The following STMN3 variants were observed in gnomAD, a reference collection of about 807,000 sequenced individuals.
STMN3 encodes stathmin 3.
STMN3 carries 24 observed loss-of-function variants against 23.2 expected under a neutral mutation model. That is an observed-to-expected ratio of 1.03 (90% CI 0.75 to 1.45). The LOEUF (loss-of-function observed/expected upper bound fraction) is 1.45. Among genes scored for constraint, STMN3 ranks in the 40% most tolerant of loss-of-function variants. The pLI is 0.00. For synonymous variants in STMN3, 117 were observed against 103.4 expected (o/e 1.13, Z -0.80); for missense variants, 235 against 237.6 (o/e 0.99, Z 0.07).
chr20:63,648,957 C>A (rs1027434315), intron 1 of STMN3, among the ~76,000 whole-genome samples: 2 of 152,046 alleles, frequency 1.3e-5, no homozygotes, highest in Non-Finnish European at 2.9e-5. Flanking sequence ...GCACCTGCAT[C>A]ATCAGGAAAG....
At chr20:63,642,969 A>G (rs960461831) in intron 3 of STMN3, among the ~76,000 whole-genome samples, 1 of 152,098 alleles carries the variant, frequency 6.6e-6, no homozygotes, top group African/African-American at 2.4e-5. Flanking sequence ...GGACATTTTT[A>G]TCTCTGTTTC....
chr20:63,649,355 G>A (rs6062476), intron 1 of STMN3, among the ~76,000 whole-genome samples: 2 of 152,146 alleles, frequency 1.3e-5, no homozygotes, highest in African/African-American at 4.8e-5. Context: ...TCAGGGGCGA[G>A]GCAGGGCATT....
intron 3 of STMN3, chr20:63,643,550 G>A: frequency 1.2e-6 from 1 of 822,422 alleles, no homozygotes. Context: ...CAAAGTTCTG[G>A]GATTACAGGC....
In STMN3 at chr20:63,642,098, G is replaced by A. The variant is rs1376362812; in HGVS notation, c.483+10C>T. On this transcript the variant is annotated intron_variant, in intron 4 of 4. Coordinates refer to ENST00000370053, the MANE Select transcript of STMN3 (RefSeq NM_015894.4). ...CCGCTCCGAGCTCCGCCCCGGCCCCGCCCCCGCACCTTCTCGCGCAGCCGC... is the reference window on the plus strand; with the variant it reads ...CCGCTCCGAGCTCCGCCCCGGCCCCACCCCCGCACCTTCTCGCGCAGCCGC... 8 of 1,097,742 alleles carry A rather than the reference G, an allele frequency of 7.3e-6. No homozygotes were observed. Among genetic ancestry groups the A allele is most frequent in the Middle Eastern group, 3.4e-4 (1 of 2,920 alleles). 68.0% of individuals were successfully genotyped at this position (1,097,742 alleles called of 1,614,324 possible).
intron 1 of STMN3, among the ~76,000 whole-genome samples, chr20:63,645,175 A>C (rs2089800451): frequency 6.7e-6 from 1 of 149,298 alleles, no homozygotes; most frequent in Non-Finnish European, 1.5e-5. Flanking sequence ...CCTCCTTCCC[A>C]CTCCTCGCCA....
chr20:63,642,946 G>A (rs541488319), intron 3 of STMN3, among the ~76,000 whole-genome samples: 4 of 152,302 alleles, frequency 2.6e-5, no homozygotes, highest in African/African-American at 9.6e-5. Context: ...CCTCCAGGGT[G>A]GCACCCCCAA....
At chr20:63,647,687 G>GTATATATACACA (rs1569069795) in intron 1 of STMN3, among the ~76,000 whole-genome samples, 1 of 73,664 alleles carries the variant, frequency 1.4e-5, no homozygotes, top group Non-Finnish European at 3.7e-5. Flanking sequence ...ATATATACAC[G>GTATATATACACA]TGTATATATA....
rs1569071899 is a variant in STMN3, at chr20:63,652,041, CAGG to C, written c.19+1283_19+1285del. On this transcript the variant is annotated intron_variant, in intron 1 of 4. Coordinates refer to ENST00000370053, the MANE Select transcript of STMN3 (RefSeq NM_015894.4). This position sits in a 1 kb window ranked among gnomAD's most constrained non-coding sequence, Gnocchi z 5.3. Reference sequence around the variant, plus strand: ...CACCCCCAGTATCCCCGGGGGTGTCCAGGAGGAGGCGGAGGGAGGAAGCGCAGA... The same window carrying C: ...CACCCCCAGTATCCCCGGGGGTGTCCAGGAGGCGGAGGGAGGAAGCGCAGA... 3 of 152,628 alleles carry C rather than the reference CAGG, an allele frequency of 2.0e-5. No homozygotes were observed. The highest frequency in any genetic ancestry group is 7.2e-5 in the African/African-American group (3 of 41,588). The allele number at this position is 152,628 out of a possible 1,614,324, so 9.5% of individuals were successfully genotyped here.
intron 1 of STMN3, among the ~76,000 whole-genome samples, chr20:63,646,857 G>A (rs6010988): frequency 0.08 from 11,736 of 146,694 alleles, 547 homozygotes; most frequent in Non-Finnish European, 0.091. Flanking sequence ...GGGTTCTAGC[G>A]ATTCTCCTGC....
At chr20:63,645,686 C>T (rs2089803651) in intron 1 of STMN3, among the ~76,000 whole-genome samples, 1 of 152,202 alleles carries the variant, frequency 6.6e-6, no homozygotes, top group African/African-American at 2.4e-5. Flanking sequence ...TGCAGTGGCT[C>T]ATTTAACTGT....
At chr20:63,645,781 G>A (rs1456771671) in intron 1 of STMN3, among the ~76,000 whole-genome samples, 1 of 152,052 alleles carries the variant, frequency 6.6e-6, no homozygotes, top group South Asian at 2.1e-4. Context: ...GGTGAAACCC[G>A]ATCTCTACTA....
chr20:63,652,543 G>T lies in STMN3; in HGVS notation c.19+784C>A. 1 of 982,622 alleles carries T rather than the reference G, an allele frequency of 1.0e-6. No individual in the cohort carries two copies. The highest frequency in any genetic ancestry group is 1.2e-6 in the Non-Finnish European group (1 of 827,448). 60.9% of individuals were successfully genotyped at this position (982,622 alleles called of 1,614,324 possible). On this transcript the variant is annotated intron_variant, in intron 1 of 4. Coordinates refer to ENST00000370053, the MANE Select transcript of STMN3 (RefSeq NM_015894.4). This position sits in a 1 kb window ranked among gnomAD's most constrained non-coding sequence, Gnocchi z 5.3. ...GCCCCTCCGCCTGAGCTCCGCGCGG[G>T]ACGGGCCGGGAGGCCGGGGTGGGCG...
chr20:63,648,337 G>A (rs1310552843), intron 1 of STMN3, among the ~76,000 whole-genome samples: 2 of 152,054 alleles, frequency 1.3e-5, no homozygotes, highest in Admixed American at 6.6e-5. Context: ...GGATAAGAAG[G>A]TAGGGACTTG....
intron 3 of STMN3, 60 bp from the exon 4 acceptor site, chr20:63,642,359 C>T (rs2089776088): frequency 8.0e-7 from 1 of 1,245,232 alleles, no homozygotes; most frequent in Non-Finnish European, 1.0e-6. Context: ...GGCCGGACTC[C>T]TCCCTGCTCT....
chr20:63,641,337 C>A lies in STMN3; in HGVS notation c.*1G>T. On this transcript the variant is annotated 3_prime_UTR_variant, in exon 5 of 5. Transcript: ENST00000370053. ...GGATGGGCGCCGCCCGTCCCGGGCC[C>A]TTAGCCCGACATCTCTTCTCGCTGC... 1 of 1,564,064 alleles carries A rather than the reference C, an allele frequency of 6.4e-7. No homozygotes were observed. Among genetic ancestry groups the A allele is most frequent in the Non-Finnish European group, 8.7e-7 (1 of 1,155,126 alleles).
intron 1 of STMN3, among the ~76,000 whole-genome samples, chr20:63,648,928 A>C (rs1601062037): frequency 1.3e-5 from 2 of 152,012 alleles, no homozygotes; most frequent in Admixed American, 6.6e-5. Flanking sequence ...GGCTGGCAGC[A>C]ATTTGGGGGC....
chr20:63,642,789 G>A (rs2089779481), intron 3 of STMN3, among the ~76,000 whole-genome samples: 1 of 152,316 alleles, frequency 6.6e-6, no homozygotes, highest in Non-Finnish European at 1.5e-5. Context: ...GGATGCTGGG[G>A]GAGGGGCCGG....
intron 3 of STMN3, 123 bp downstream of exon 3, chr20:63,643,633 C>T: frequency 2.2e-6 from 3 of 1,381,498 alleles, no homozygotes; most frequent in Non-Finnish European, 2.8e-6. Context: ...GCCACAGCCC[C>T]TCCTGCTCCA....
chr20:63,646,600 G>A (rs371285005), intron 1 of STMN3, among the ~76,000 whole-genome samples: 30 of 151,838 alleles, frequency 2.0e-4, no homozygotes, highest in African/African-American at 7.0e-4. Flanking sequence ...TGATCCGCCC[G>A]CCTCGACCTC....
Sources: gnomAD v4.1 joint callset for allele counts (sites outside exome capture counted in the v4.1 genomes callset) on GRCh38, gnomAD v4.1.1 for gene constraint, Gnocchi (gnomAD v3.1) non-coding constraint, MANE v1.5 for transcripts, NCBI Gene and HGNC (gene_info 2026-07-23, HGNC 2026-07-21) for gene names.